NCK1: variants seen among roughly 807,000 people sequenced by gnomAD.
The protein encoded by NCK1 is SH2/SH3 adapter protein NCK1.
Under a neutral mutation model 36.6 loss-of-function variants are expected in NCK1, and 19 were observed. The ratio of observed to expected loss-of-function variants is 0.52; its 90% CI spans 0.36 to 0.76. The LOEUF is 0.76. NCK1 is among the 30% of genes least tolerant of loss of function. The pLI, the probability that NCK1 is intolerant of heterozygous loss-of-function variation, is 0.00. For missense variants in NCK1, 358 were observed against 445.6 expected, an observed-to-expected ratio of 0.80 and a Z score of 1.77; for synonymous variants, 165 against 156.0, an observed-to-expected ratio of 1.06 and a Z score of -0.43.
At chr3:136,890,797 A>G (rs1939222625) in intron 1 of NCK1, among the ~76,000 whole-genome samples, 1 of 152,176 alleles carries the variant, frequency 6.6e-6, no homozygotes, top group African/African-American at 2.4e-5. Context: ...GTATATTCAC[A>G]TTGTTATGCA....
chr3:136,895,769 T>C (rs1261720483), intron 1 of NCK1, among the ~76,000 whole-genome samples: 3 of 152,144 alleles, frequency 2.0e-5, no homozygotes, highest in Non-Finnish European at 4.4e-5. Context: ...TTTGCTATGT[T>C]GACCAGGCTG....
intron 1 of NCK1, among the ~76,000 whole-genome samples, chr3:136,920,183 C>G (rs1291106192): frequency 6.6e-6 from 1 of 151,960 alleles, no homozygotes; most frequent in Non-Finnish European, 1.5e-5. Flanking sequence ...GATCCCACCA[C>G]TGGGAAAACA....
chr3:136,900,669 T>C (rs1410710511), intron 1 of NCK1, among the ~76,000 whole-genome samples: 1 of 152,218 alleles, frequency 6.6e-6, no homozygotes, highest in East Asian at 1.9e-4. Context: ...AGCTAGTTTG[T>C]TTTATTGGTA....
At chr3:136,869,723 A>G (rs1938551682) in intron 1 of NCK1, among the ~76,000 whole-genome samples, 1 of 152,204 alleles carries the variant, frequency 6.6e-6, no homozygotes, top group Admixed American at 6.5e-5. Flanking sequence ...ATGCTGTAAG[A>G]CAGCATAGAA....
chr3:136,887,391 T>C (rs536135225), intron 1 of NCK1, among the ~76,000 whole-genome samples: 2 of 152,098 alleles, frequency 1.3e-5, no homozygotes, highest in Admixed American at 6.6e-5. Context: ...TCCTGATAAA[T>C]AGCAGCCTAA....
intron 2 of NCK1, among the ~76,000 whole-genome samples, chr3:136,939,595 T>C (rs1940617556): frequency 6.6e-6 from 1 of 152,130 alleles, no homozygotes; most frequent in Admixed American, 6.5e-5. Context: ...GGCTATAAAT[T>C]TCCCTCTGAG....
chr3:136,893,928 C>A (rs6784074), intron 1 of NCK1, among the ~76,000 whole-genome samples: 152,165 of 152,242 alleles, frequency 1, 76,044 homozygotes, highest in Middle Eastern at 1. Flanking sequence ...TCTGTCCTTT[C>A]GGCTTTCATC....
At chr3:136,897,362 G>T (rs1939417433) in intron 1 of NCK1, among the ~76,000 whole-genome samples, 1 of 152,188 alleles carries the variant, frequency 6.6e-6, no homozygotes, top group Admixed American at 6.5e-5. Context: ...AGAGTGCTGA[G>T]ATTACAGACA....
At chr3:136,938,666 C>T (rs965823734) in intron 2 of NCK1, among the ~76,000 whole-genome samples, 6 of 152,148 alleles carry the variant, frequency 3.9e-5, no homozygotes, top group African/African-American at 1.4e-4. Context: ...AGATAAGCTT[C>T]ATTTAGGCAT....
chr3:136,936,045 T>A (rs1316113413), intron 2 of NCK1, among the ~76,000 whole-genome samples: 1 of 151,596 alleles, frequency 6.6e-6, no homozygotes, highest in Non-Finnish European at 1.5e-5. Context: ...TAACTTTTTT[T>A]TTTTTTTTTT....
chr3:136,902,772 G>A (rs1939578441), intron 1 of NCK1, among the ~76,000 whole-genome samples: 1 of 152,098 alleles, frequency 6.6e-6, no homozygotes, highest in East Asian at 1.9e-4. Flanking sequence ...AAGTCAAACT[G>A]TCCCCCTTTG....
chr3:136,909,501 C>G (rs1560043571), intron 1 of NCK1, among the ~76,000 whole-genome samples: 1 of 152,170 alleles, frequency 6.6e-6, no homozygotes, highest in Non-Finnish European at 1.5e-5. Flanking sequence ...TTTAAACAAC[C>G]AATTTCAATG....
At position 136,946,146 on chromosome 3, in the gene NCK1, C is replaced by A. The variant is rs1201212769; in HGVS notation, c.790C>A (p.Pro264Thr). 1 of 1,613,672 alleles carries A rather than the reference C, an allele frequency of 6.2e-7. No individual in the cohort carries two copies. The highest frequency in any genetic ancestry group is 1.1e-5 in the South Asian group (1 of 91,064). ...AACTTCAGGTTTGGAACCATCACCT[C>A]CACAGTGTGATTACATTAGGCCTTC... ...PLTSGLEPSP[P>T]QCDYIRPSLT... The change falls in exon 3 of 4, where the codon CCA (proline) becomes ACA (threonine). Residue 264 changes from proline (P) to threonine (T), a missense_variant. This residue lies in a region of NCK1 where 207 missense variants were observed against 253.4 expected (regional missense o/e 0.82). Coordinates refer to ENST00000481752, the MANE Select transcript of NCK1 (RefSeq NM_001291999.2).
At chr3:136,863,833 A>T (rs1938321980) in intron 1 of NCK1, among the ~76,000 whole-genome samples, 1 of 152,058 alleles carries the variant, frequency 6.6e-6, no homozygotes. Context: ...CAGGCGGGGT[A>T]GCTCAAACCT....
At chr3:136,923,101 G>A (rs1390400488) in intron 1 of NCK1, among the ~76,000 whole-genome samples, 2 of 146,172 alleles carry the variant, frequency 1.4e-5, no homozygotes, top group African/African-American at 4.9e-5. Flanking sequence ...CTATGCCTAT[G>A]TGTATGTGTG....
chr3:136,945,311 ATTATG>A (rs1940782462), intron 2 of NCK1, among the ~76,000 whole-genome samples: 1 of 152,202 alleles, frequency 6.6e-6, no homozygotes, highest in Non-Finnish European at 1.5e-5. Flanking sequence ...CAACTTTATA[ATTATG>A]TTATATAGTT....
chr3:136,912,282 C>T (rs547861706), intron 1 of NCK1, among the ~76,000 whole-genome samples: 1 of 151,538 alleles, frequency 6.6e-6, no homozygotes, highest in Non-Finnish European at 1.5e-5. Flanking sequence ...CCTGCCTCAG[C>T]CTCCCACGTA....
intron 1 of NCK1, chr3:136,899,404 A>G (rs1001430848): frequency 4.5e-6 from 1 of 223,636 alleles, no homozygotes; most frequent in Non-Finnish European, 9.1e-6. Context: ...TGGGGATTTT[A>G]CCTTCATTTC....
intron 1 of NCK1, among the ~76,000 whole-genome samples, chr3:136,914,863 A>G (rs1488412654): frequency 6.6e-6 from 1 of 152,100 alleles, no homozygotes; most frequent in Non-Finnish European, 1.5e-5. Context: ...ATCCCTCATA[A>G]TATATTACTG....
Sources: allele counts gnomAD v4.1 joint callset (sites outside exome capture counted in the v4.1 genomes callset), GRCh38; gene constraint gnomAD v4.1.1; regional missense constraint gnomAD v4.1.1; transcripts MANE v1.5; gene names NCBI Gene and HGNC (gene_info 2026-07-23, HGNC 2026-07-21).